Variants in KLHL40 observed in about 807,000 individuals in gnomAD.
KLHL40 encodes kelch like family member 40.
A neutral mutation model predicts 49.7 loss-of-function variants in KLHL40; 44 were observed. That is an observed-to-expected ratio of 0.89 (90% CI 0.70 to 1.14). The LOEUF is 1.14. Ranked by LOEUF, KLHL40 falls within the 50% of genes most tolerant of loss-of-function variation. The probability of loss-of-function intolerance (pLI) is 0.00; values close to 1 mark genes in which losing one functional copy is unlikely to be tolerated. For missense variants in KLHL40, 892 were observed against 850.3 expected (o/e 1.05, Z -0.61); for synonymous variants, 409 against 365.2 (o/e 1.12, Z -1.37).
chr3:42,686,386 G>T lies in KLHL40; in HGVS notation c.768G>T (p.Met256Ile), dbSNP rs1193539989. 2 of 1,613,530 alleles carry T rather than the reference G, an allele frequency of 1.2e-6. No homozygotes were observed. Residue 256 changes from methionine (M) to isoleucine (I), a missense_variant, in exon 1 of 6, where the codon ATG becomes ATT. Met to Ile is a conservative substitution (Grantham distance 10). Coordinates refer to ENST00000287777, the MANE Select transcript of KLHL40 (RefSeq NM_152393.4). ...CCGAGTTGCTGCGCAAGGTGCAGAT[G>T]GTGAAGGATGCACACGAGGGCCGCA... ...AQPELLRKVQ[M>I]VKDAHEGRIT...
chr3:42,688,904 A>C lies in KLHL40; in HGVS notation c.1457A>C (p.Lys486Thr). ...AACAAGATGTGCGTCTATGACCCCA[A>C]GAAGTTTGAGTGGAAGGAGCTGGCA... ...CLNKMCVYDP[K>T]KFEWKELAPM... is the part of the protein sequence containing the mutation. The change falls in exon 4 of 6, where the codon AAG (lysine) becomes ACG (threonine). Residue 486 changes from lysine to threonine, a missense_variant. Physicochemically the swap from Lys to Thr is moderately conservative, Grantham distance 78. Coordinates refer to ENST00000287777, the MANE Select transcript of KLHL40 (RefSeq NM_152393.4). This position sits in a 1 kb window ranked among gnomAD's most constrained non-coding sequence, Gnocchi z 4.2. The C allele has an allele frequency of 6.2e-7, 1 of 1,614,148 alleles. No individual in the cohort carries two copies.
In KLHL40 at chr3:42,686,550, G is replaced by T. The variant is rs774887948; in HGVS notation, c.932G>T (p.Arg311Leu). The T allele has an allele frequency of 1.9e-6, 3 of 1,614,134 alleles. No individual in the cohort carries two copies. Among genetic ancestry groups the T allele is most frequent in the East Asian group, 2.2e-5 (1 of 44,880 alleles). ...ILPGILNDTLRFGMFLQDLIF... is the reference protein window; with the variant it reads ...ILPGILNDTLLFGMFLQDLIF... Reference sequence around the variant, plus strand: ...CCTGGGATCCTCAATGACACCCTGCGCTTCGGCATGTTCCTGCAGGATCTC... The same window carrying T: ...CCTGGGATCCTCAATGACACCCTGCTCTTCGGCATGTTCCTGCAGGATCTC... Residue 311 changes from arginine to leucine, a missense_variant, in exon 1 of 6, where the codon CGC (arginine) becomes CTC (leucine). Coordinates refer to ENST00000287777, the MANE Select transcript of KLHL40 (RefSeq NM_152393.4).
In KLHL40 at chr3:42,686,573, C is replaced by T. The variant is rs753313790; in HGVS notation, c.955C>T (p.Leu319Phe). The change falls in exon 1 of 6, where the codon CTC (leucine) becomes TTC (phenylalanine). Residue 319 changes from leucine to phenylalanine, a missense_variant. Physicochemically the swap from Leu to Phe is conservative, Grantham distance 22. Coordinates refer to ENST00000287777, the MANE Select transcript of KLHL40 (RefSeq NM_152393.4). ...GCGCTTCGGCATGTTCCTGCAGGAT[C>T]TCATCTTCATGATCAGTGAGGAGGG... Reference protein sequence around the residue: ...TLRFGMFLQDLIFMISEEGAV... With the variant: ...TLRFGMFLQDFIFMISEEGAV... 2.5e-6 allele frequency: 4 copies of T among 1,614,204 alleles called. No homozygotes were observed. The highest frequency in any genetic ancestry group is 3.4e-6 in the Non-Finnish European group (4 of 1,180,042).
At position 42,692,224 on chromosome 3, in the gene KLHL40, T is replaced by C. The variant is rs1697384544; in HGVS notation, c.*231T>C. On this transcript the variant is annotated 3_prime_UTR_variant, in exon 6 of 6. Transcript: ENST00000287777. ...CCAGTGTTGCCATATCCCCCTAGGT[T>C]GTCTTGATCCATGAACCAGAACCAC... 4 of 531,246 alleles carry C rather than the reference T, an allele frequency of 7.5e-6. No homozygotes were observed. In the South Asian group the frequency reaches 1.0e-4, roughly 14 times the overall value. 32.9% of individuals were successfully genotyped at this position (531,246 alleles called of 1,614,324 possible). A position where few individuals can be genotyped will look rare whatever the true frequency, so the allele number is the denominator to read the frequency against.
chr3:42,691,137 T>A, intron 5 of KLHL40, 132 bp downstream of exon 5: 1 of 877,586 alleles, frequency 1.1e-6, no homozygotes, highest in Non-Finnish European at 1.7e-6. Context: ...GGGAGTCCTG[T>A]AGGGAGGAAT....
chr3:42,685,958 C>A lies in KLHL40; in HGVS notation c.340C>A (p.Pro114Thr), dbSNP rs780279322. ...CGCCGCGGCACACCGCTTCCAGATC[C>A]CTTCCATCTTCACCATCTGCGTGTC... is the stretch of plus-strand genomic sequence containing the variant. ...LFAAAHRFQI[P>T]SIFTICVSFL... is the part of the protein sequence containing the mutation. The change falls in exon 1 of 6, where the codon CCT (proline) becomes ACT (threonine). Residue 114 changes from proline (P) to threonine (T), a missense_variant. Pro to Thr is a conservative substitution (Grantham distance 38). Transcript: ENST00000287777. 28 of 1,611,910 alleles carry A rather than the reference C, an allele frequency of 1.7e-5. No homozygotes were observed. Among genetic ancestry groups the A allele is most frequent in the Non-Finnish European group, 2.4e-5 (28 of 1,179,970 alleles).
chr3:42,692,493 G>C lies in KLHL40; in HGVS notation c.*500G>C, dbSNP rs543724105. On this transcript the variant is annotated 3_prime_UTR_variant, in exon 6 of 6. Transcript: ENST00000287777. ...TGTGTTGAAGACTTGGGGCTTCAGT[G>C]TTCTGCTGTTGGGCTGCCAAGGTCG... 1.1e-4 allele frequency: 59 copies of C among 552,374 alleles called. No individual in the cohort carries two copies. The African/African-American group carries it at 1.1e-3, about 10-fold the overall frequency. The allele number at this position is 552,374 out of a possible 1,614,324, so 34.2% of individuals were successfully genotyped here. A position where few individuals can be genotyped will look rare whatever the true frequency, so the allele number is the denominator to read the frequency against.
chr3:42,685,608 G>A lies in KLHL40; in HGVS notation c.-11G>A. The A allele has an allele frequency of 6.3e-7, 1 of 1,575,454 alleles. No individual in the cohort carries two copies. The highest frequency in any genetic ancestry group is 8.6e-7 in the Non-Finnish European group (1 of 1,160,080). On this transcript the variant is annotated 5_prime_UTR_variant, in exon 1 of 6. Transcript: ENST00000287777. ...CCCTTGGCACCGCCACCGCACCCTA[G>A]GCCACCCACCATGGCGCTGGGCTTG...
Position 42,686,575 on chromosome 3 carries a change from C to A in KLHL40, c.957C>A (p.Leu319=). The A allele has an allele frequency of 1.9e-6, 3 of 1,614,164 alleles. No homozygotes were observed. The highest frequency in any genetic ancestry group is 1.6e-4 in the Middle Eastern group (1 of 6,062). Residue 319 remains leucine, a synonymous_variant, in exon 1 of 6, where the codon CTC becomes CTA. Transcript: ENST00000287777. The part of the protein sequence containing the change: ...TLRFGMFLQD[L]IFMISEEGAV... The stretch of plus-strand genomic sequence containing the variant: ...GCTTCGGCATGTTCCTGCAGGATCT[C>A]ATCTTCATGATCAGTGAGGAGGGCG...
chr3:42,686,509 G>A lies in KLHL40; in HGVS notation c.891G>A (p.Glu297=). The A allele has an allele frequency of 1.9e-6, 3 of 1,614,152 alleles. No homozygotes were observed. The highest frequency in any genetic ancestry group is 2.2e-5 in the South Asian group (2 of 91,082). Residue 297 remains glutamate (E), a synonymous_variant, in exon 1 of 6, where the codon GAG becomes GAA. Transcript: ENST00000287777. ...TSKAKAEEDE[E]AERILPGILN... ...AAGCCAAAGCAGAGGAGGATGAGGA[G>A]GCCGAACGTATCCTTCCTGGGATCC...
Position 42,688,024 on chromosome 3 carries a change from G to A in KLHL40, c.1153-118G>A, listed in dbSNP as rs1026083014. ...CTGTTTCTCAGGGCACCTCCAGGCT[G>A]TATTGGCCCTACCTGGGTTCCCGAC... On this transcript the variant is annotated intron_variant, in intron 1 of 5. Transcript: ENST00000287777. This position sits in a 1 kb window ranked among gnomAD's most constrained non-coding sequence, Gnocchi z 4.2. 21 of 1,170,614 alleles carry A rather than the reference G, an allele frequency of 1.8e-5. No individual in the cohort carries two copies. The African/African-American group carries it at 2.1e-4, about 12-fold the overall frequency. 72.5% of individuals were successfully genotyped at this position (1,170,614 alleles called of 1,614,324 possible). A position where few individuals can be genotyped will look rare whatever the true frequency, so the allele number is the denominator to read the frequency against.
rs1697299777 is a variant in KLHL40 at position 42,688,025 on chromosome 3, T to C, written c.1153-117T>C. ...TGTTTCTCAGGGCACCTCCAGGCTGTATTGGCCCTACCTGGGTTCCCGACC... is the reference window on the plus strand; with the variant it reads ...TGTTTCTCAGGGCACCTCCAGGCTGCATTGGCCCTACCTGGGTTCCCGACC... On this transcript the variant is annotated intron_variant, in intron 1 of 5. Transcript: ENST00000287777. The surrounding 1 kb of genome is among the most constrained non-coding windows in gnomAD (Gnocchi z 4.2). 8.6e-7 allele frequency: 1 copy of C among 1,167,060 alleles called. No individual in the cohort carries two copies. The highest frequency in any genetic ancestry group is 1.9e-5 in the Admixed American group (1 of 52,220). 72.3% of individuals were successfully genotyped at this position (1,167,060 alleles called of 1,614,324 possible). A position where few individuals can be genotyped will look rare whatever the true frequency, so the allele number is the denominator to read the frequency against.
Position 42,692,542 on chromosome 3 carries a change from G to A in KLHL40, c.*549G>A. 3.5e-6 allele frequency: 3 copies of A among 864,086 alleles called. No homozygotes were observed. Among genetic ancestry groups the A allele is most frequent in the Non-Finnish European group, 5.1e-6 (3 of 586,058 alleles). 53.5% of individuals were successfully genotyped at this position (864,086 alleles called of 1,614,324 possible). On this transcript the variant is annotated 3_prime_UTR_variant, in exon 6 of 6. Transcript: ENST00000287777. ...CGATGGTCTCTGCTCTCCATCTGGT[G>A]TCCCCTCCACCCTATGGGTGGGAAC...
rs1250586231 is a variant in KLHL40, at chr3:42,686,199, T to C, written c.581T>C (p.Val194Ala). The C allele has an allele frequency of 6.4e-7, 1 of 1,574,062 alleles. No individual in the cohort carries two copies. Among genetic ancestry groups the C allele is most frequent in the South Asian group, 1.1e-5 (1 of 88,104 alleles). The change falls in exon 1 of 6, where the codon GTG becomes GCG. Residue 194 changes from valine to alanine, a missense_variant. Val to Ala is a moderately conservative substitution (Grantham distance 64, BLOSUM62 0). Transcript: ENST00000287777. ...DGLNVEKEEAVFEAVMRWAGS... is the reference protein window; with the variant it reads ...DGLNVEKEEAAFEAVMRWAGS... ...CTTAACGTGGAGAAGGAGGAGGCAG[T>C]GTTCGAGGCGGTGATGCGGTGGGCG...
At position 42,685,933 on chromosome 3, in the gene KLHL40, C is replaced by T; in HGVS notation, c.315C>T (p.Phe105=). 1.2e-6 allele frequency: 2 copies of T among 1,611,692 alleles called. No individual in the cohort carries two copies. Among genetic ancestry groups the T allele is most frequent in the South Asian group, 1.1e-5 (1 of 91,090 alleles). The part of the protein sequence containing the change: ...ALDEASVQDL[F]AAAHRFQIPS... ...ATGAGGCGAGCGTGCAGGATTTGTT[C>T]GCCGCGGCACACCGCTTCCAGATCC... The change falls in exon 1 of 6, where the codon TTC becomes TTT. Residue 105 remains phenylalanine, a synonymous_variant. Coordinates refer to ENST00000287777, the MANE Select transcript of KLHL40 (RefSeq NM_152393.4).
At position 42,686,275 on chromosome 3, in the gene KLHL40, C is replaced by T. The variant is rs1055071083; in HGVS notation, c.657C>T (p.Thr219=). 2 of 1,563,856 alleles carry T rather than the reference C, an allele frequency of 1.3e-6. No individual in the cohort carries two copies. Among genetic ancestry groups the T allele is most frequent in the Admixed American group, 1.9e-5 (1 of 53,130 alleles). The change falls in exon 1 of 6, where the codon ACC becomes ACT. Residue 219 remains threonine (T), a synonymous_variant. Coordinates refer to ENST00000287777, the MANE Select transcript of KLHL40 (RefSeq NM_152393.4). ...AQAERQRALP[T]VFESVRCRLL... is the part of the protein sequence containing the mutation. ...CTGAGCGCCAGCGCGCGCTGCCCAC[C>T]GTCTTCGAGAGCGTGCGCTGCCGCT...
At chr3:42,689,504 G>C (rs1166294259) in intron 4 of KLHL40, among the ~76,000 whole-genome samples, 1 of 152,162 alleles carries the variant, frequency 6.6e-6, no homozygotes, top group African/African-American at 2.4e-5. Flanking sequence ...AGGCCTATAG[G>C]AGGGAAGGTG....
chr3:42,690,878 T>C lies in KLHL40; in HGVS notation c.1627T>C (p.Phe543Leu). ...CCCCAGGTGGGCACCCTTCGAGGCC[T>C]TCCCACAGGAGCGTAGCTCACTCAG... ...TDNKWAPFEA[F>L]PQERSSLSLV... is the part of the protein sequence containing the mutation. Residue 543 changes from phenylalanine (F) to leucine (L), a missense_variant, in exon 5 of 6, where the codon TTC becomes CTC. Physicochemically the swap from Phe to Leu is conservative, Grantham distance 22. Coordinates refer to ENST00000287777, the MANE Select transcript of KLHL40 (RefSeq NM_152393.4). 1 of 1,610,970 alleles carries C rather than the reference T, an allele frequency of 6.2e-7. No individual in the cohort carries two copies. Among genetic ancestry groups the C allele is most frequent in the Admixed American group, 1.7e-5 (1 of 59,632 alleles).
In KLHL40 at chr3:42,688,824, T is replaced by G. The variant is rs1697317113; in HGVS notation, c.1422-45T>G. ...GCAGGTGATTGCAGGGAGGCGTGGC[T>G]GGGCTCCTGCTTCTCTCCACCCATC... On this transcript the variant is annotated intron_variant, in intron 3 of 5. Coordinates refer to ENST00000287777, the MANE Select transcript of KLHL40 (RefSeq NM_152393.4). This position sits in a 1 kb window ranked among gnomAD's most constrained non-coding sequence, Gnocchi z 4.2. The G allele has an allele frequency of 1.9e-6, 3 of 1,598,870 alleles. No individual in the cohort carries two copies. The highest frequency in any genetic ancestry group is 2.6e-6 in the Non-Finnish European group (3 of 1,166,644).
Sources: gnomAD v4.1 joint callset for allele counts (sites outside exome capture counted in the v4.1 genomes callset) on GRCh38, gnomAD v4.1.1 for gene constraint, Gnocchi (gnomAD v3.1) non-coding constraint, MANE v1.5 for transcripts, NCBI Gene and HGNC (gene_info 2026-07-23, HGNC 2026-07-21) for gene names.